Variants in CDH4 observed in about 807,000 individuals in gnomAD.
CDH4 encodes the protein cadherin 4, also known as cadherin-4.
A neutral mutation model predicts 86.0 loss-of-function variants in CDH4; 33 were observed. The observed-to-expected ratio is 0.38, with a 90% CI of 0.29 to 0.51. The LOEUF (loss-of-function observed/expected upper bound fraction) is 0.51. Among genes scored for constraint, CDH4 ranks in the 20% least tolerant of loss-of-function variants. The pLI, the probability that CDH4 is intolerant of heterozygous loss-of-function variation, is 0.86. For synonymous variants in CDH4, 555 were observed against 549.4 expected (o/e 1.01, Z -0.14); for missense variants, 1,114 against 1,307.4 (o/e 0.85, Z 2.28).
chr20:61,328,618 T>C (rs1055195291), intron 2 of CDH4, among the ~76,000 whole-genome samples: 2 of 152,034 alleles, frequency 1.3e-5, no homozygotes, highest in Non-Finnish European at 2.9e-5. Flanking sequence ...ACCCCATCTT[T>C]ACTAAAAATA....
chr20:61,628,282 C>T (rs984508319), intron 2 of CDH4, among the ~76,000 whole-genome samples: 4 of 152,128 alleles, frequency 2.6e-5, no homozygotes, highest in African/African-American at 7.2e-5. Flanking sequence ...TGCCGTGCCA[C>T]GGTTTTCCTC....
chr20:61,344,835 A>G (rs1568806521), intron 2 of CDH4, among the ~76,000 whole-genome samples: 1 of 152,226 alleles, frequency 6.6e-6, no homozygotes, highest in Non-Finnish European at 1.5e-5. Context: ...AAAATTGATC[A>G]TATGAAGCCA....
intron 2 of CDH4, among the ~76,000 whole-genome samples, chr20:61,576,017 A>T (rs923829233): frequency 6.6e-6 from 1 of 152,138 alleles, no homozygotes; most frequent in African/African-American, 2.4e-5. Context: ...GACTCTGAGT[A>T]GGAGGAAAAG....
chr20:61,570,435 G>C, intron 2 of CDH4: 1 of 520,726 alleles, frequency 1.9e-6, no homozygotes, highest in Non-Finnish European at 3.4e-6. Flanking sequence ...AGCAGCCCTG[G>C]TGCTGCCTTG....
At chr20:61,539,008 G>A (rs559720492) in intron 2 of CDH4, among the ~76,000 whole-genome samples, 31 of 152,298 alleles carry the variant, frequency 2.0e-4, no homozygotes, top group Middle Eastern at 3.4e-3. Flanking sequence ...GGTCTCTGCC[G>A]CTGGAGGCAG....
chr20:61,437,808 G>A lies in CDH4; in HGVS notation c.169+182871G>A, dbSNP rs1008927271. On this transcript the variant is annotated intron_variant, in intron 2 of 15. Coordinates refer to ENST00000614565, the MANE Select transcript of CDH4 (RefSeq NM_001794.5). ...GTTTTGTTGACACACTCCACACGAC[G>A]GTTAGGAAAATTCCATGGGGCCTCC... Among the ~76,000 whole-genome samples, 3 of 152,152 alleles carry A rather than the reference G, an allele frequency of 2.0e-5. No individual in the cohort carries two copies. In the East Asian group the frequency reaches 5.8e-4, roughly 29 times the overall value.
chr20:61,757,549 G>A (rs2088580724), intron 3 of CDH4, among the ~76,000 whole-genome samples: 1 of 152,190 alleles, frequency 6.6e-6, no homozygotes, highest in Non-Finnish European at 1.5e-5. Context: ...GACCAGGCAG[G>A]GAAGCCCCCT....
intron 2 of CDH4, among the ~76,000 whole-genome samples, chr20:61,525,409 G>T (rs868219733): frequency 2.6e-5 from 4 of 152,184 alleles, no homozygotes; most frequent in African/African-American, 9.7e-5. Flanking sequence ...GGCTGGGGAA[G>T]CGGGCTGTGC....
intron 2 of CDH4, among the ~76,000 whole-genome samples, chr20:61,288,199 C>G (rs2084303182): frequency 2.2e-5 from 1 of 45,330 alleles, no homozygotes; most frequent in Non-Finnish European, 6.4e-5. Flanking sequence ...TACATTTTCC[C>G]AGAAAAAAAA....
At chr20:61,496,345 A>G (rs1464739117) in intron 2 of CDH4, among the ~76,000 whole-genome samples, 2 of 151,090 alleles carry the variant, frequency 1.3e-5, no homozygotes, top group East Asian at 2.0e-4. Context: ...TTGAGGCTGC[A>G]GTGAGCCGAT....
chr20:61,660,893 T>C (rs1016023668), intron 2 of CDH4, among the ~76,000 whole-genome samples: 4 of 152,210 alleles, frequency 2.6e-5, no homozygotes, highest in African/African-American at 9.6e-5. Flanking sequence ...TGGGCAGCCT[T>C]ACCGGGACTC....
chr20:61,713,822 T>C (rs6089485), intron 2 of CDH4, among the ~76,000 whole-genome samples: 58,819 of 152,076 alleles, frequency 0.39, 11,710 homozygotes, highest in South Asian at 0.62. Flanking sequence ...TTACTGAGAC[T>C]ACTAGAAGCC....
intron 2 of CDH4, among the ~76,000 whole-genome samples, chr20:61,637,980 G>A (rs532831197): frequency 6.6e-6 from 1 of 150,510 alleles, no homozygotes; most frequent in African/African-American, 2.5e-5. Flanking sequence ...GCAGTGAGCC[G>A]AGATCGTGCC....
intron 9 of CDH4, among the ~76,000 whole-genome samples, chr20:61,913,629 G>A (rs114836581): frequency 0.01 from 1,593 of 152,310 alleles, 32 homozygotes; most frequent in African/African-American, 0.036. Flanking sequence ...CCGCCACCCC[G>A]GGAACTGATT....
At chr20:61,479,167 GGTTTTTT>G (rs983416692) in intron 2 of CDH4, among the ~76,000 whole-genome samples, 4 of 115,828 alleles carry the variant, frequency 3.5e-5, no homozygotes, top group South Asian at 2.5e-4. Flanking sequence ...CTTGATCACT[GGTTTTTT>G]GTTTTTTGTT....
chr20:61,756,700 C>T (rs2088569239), intron 3 of CDH4, among the ~76,000 whole-genome samples: 1 of 152,062 alleles, frequency 6.6e-6, no homozygotes, highest in South Asian at 2.1e-4. Context: ...CCACAGACTG[C>T]ATTCCTCCGT....
At chr20:61,816,808 G>A (rs551574382) in intron 4 of CDH4, among the ~76,000 whole-genome samples, 1 of 152,298 alleles carries the variant, frequency 6.6e-6, no homozygotes, top group East Asian at 1.9e-4. Flanking sequence ...CCAGGCCTGG[G>A]ACACTCCCAT....
chr20:61,269,242 T>G lies in CDH4; in HGVS notation c.169+14305T>G, dbSNP rs1449040024. Among the ~76,000 whole-genome samples the G allele has an allele frequency of 6.6e-6, 1 of 152,134 alleles. No homozygotes were observed. Among genetic ancestry groups the G allele is most frequent in the African/African-American group, 2.4e-5 (1 of 41,416 alleles). ...AGTTGGGGTGCTGACATAGGACAGT[T>G]TGGCACTGCCACTACCTTAGTGGCC... On this transcript the variant is annotated intron_variant, in intron 2 of 15. Transcript: ENST00000614565. This position sits in a 1 kb window ranked among gnomAD's most constrained non-coding sequence, Gnocchi z 5.3.
intron 2 of CDH4, among the ~76,000 whole-genome samples, chr20:61,653,820 A>G (rs2087155917): frequency 1.8e-5 from 2 of 111,932 alleles, no homozygotes; most frequent in African/African-American, 6.1e-5. Flanking sequence ...CACTTCCTAG[A>G]TGGGATGGCG....
Sources: gnomAD v4.1 joint callset for allele counts (sites outside exome capture counted in the v4.1 genomes callset) on GRCh38, gnomAD v4.1.1 for gene constraint, Gnocchi (gnomAD v3.1) non-coding constraint, MANE v1.5 for transcripts, NCBI Gene and HGNC (gene_info 2026-07-23, HGNC 2026-07-21) for gene names.